The following PTPRT variants were observed in gnomAD, a reference collection of about 807,000 sequenced individuals.
The protein encoded by PTPRT is receptor-type tyrosine-protein phosphatase T.
A neutral mutation model predicts 176.8 loss-of-function variants in PTPRT; 56 were observed. The ratio of observed to expected loss-of-function variants is 0.32; its 90% CI spans 0.26 to 0.40. The LOEUF (loss-of-function observed/expected upper bound fraction) is 0.40, where lower values mean the gene tolerates loss of function less well. Ranked by LOEUF, PTPRT falls within the 10% of genes least tolerant of loss-of-function variation. PTPRT has a pLI of 1.00. For synonymous variants in PTPRT, 783 were observed against 739.0 expected (o/e 1.06, Z -0.96); for missense variants, 1,540 against 1,908.2 (o/e 0.81, Z 3.60).
chr20:42,738,482 C>T (rs2076567827), intron 6 of PTPRT, among the ~76,000 whole-genome samples: 1 of 151,714 alleles, frequency 6.6e-6, no homozygotes, highest in Non-Finnish European at 1.5e-5. Context: ...GCACTTCAGC[C>T]TGGGCAACAG....
chr20:42,327,279 T>C (rs1029836930), intron 11 of PTPRT, among the ~76,000 whole-genome samples: 3 of 152,114 alleles, frequency 2.0e-5, no homozygotes, highest in Non-Finnish European at 4.4e-5. Flanking sequence ...TATATTCCAA[T>C]AGTTCAGAAT....
chr20:42,953,896 T>C (rs1209150077), intron 1 of PTPRT, among the ~76,000 whole-genome samples: 1 of 152,114 alleles, frequency 6.6e-6, no homozygotes, highest in Non-Finnish European at 1.5e-5. Context: ...TAGTACCCCT[T>C]TCAGTCGTGA....
chr20:42,188,623 G>C (rs562868517), intron 16 of PTPRT, among the ~76,000 whole-genome samples: 2 of 152,228 alleles, frequency 1.3e-5, no homozygotes, highest in South Asian at 2.1e-4. Flanking sequence ...TTGAGCAGAG[G>C]GGGGGAAATT....
chr20:42,396,200 C>T (rs971198222), intron 9 of PTPRT, among the ~76,000 whole-genome samples: 2 of 152,192 alleles, frequency 1.3e-5, no homozygotes, highest in Non-Finnish European at 2.9e-5. Context: ...CTTCCATTTG[C>T]TCAGTCTAAA....
intron 1 of PTPRT, among the ~76,000 whole-genome samples, chr20:43,016,781 C>T (rs1985395197): frequency 1.3e-5 from 2 of 151,960 alleles, no homozygotes; most frequent in Admixed American, 1.3e-4. Context: ...AAGTGATCCG[C>T]CCACCTCGGC....
At chr20:42,381,133 C>T (rs1255992628) in intron 9 of PTPRT, among the ~76,000 whole-genome samples, 1 of 152,182 alleles carries the variant, frequency 6.6e-6, no homozygotes, top group Non-Finnish European at 1.5e-5. Context: ...CAATCACCTT[C>T]CACCAGGCCC....
intron 1 of PTPRT, among the ~76,000 whole-genome samples, chr20:43,114,746 C>T (rs1335246317): frequency 3.9e-5 from 6 of 151,922 alleles, no homozygotes; most frequent in Non-Finnish European, 8.8e-5. Context: ...ACGTTCTGAG[C>T]CCTCACCAGT....
rs1426857427 is a variant in PTPRT, at chr20:42,084,738, C to T, written c.4080G>A (p.Leu1360=). 1.9e-6 allele frequency: 3 copies of T among 1,569,246 alleles called. No individual in the cohort carries two copies. Among genetic ancestry groups the T allele is most frequent in the East Asian group, 2.3e-5 (1 of 43,286 alleles). ...KRSLLKVVRR[L]EKWQEQYDGR... is the part of the protein sequence containing the mutation. The stretch of plus-strand genomic sequence containing the variant: ...CGTCATACTGCTCCTGCCACTTCTC[C>T]AGTCGTCGGACCACTTTGAGCAGAG... The change falls in exon 29 of 31, where the codon CTG becomes CTA. Residue 1360 remains leucine (L), a synonymous_variant. Transcript: ENST00000373187.
intron 6 of PTPRT, among the ~76,000 whole-genome samples, chr20:42,749,577 G>A (rs1325250288): frequency 6.6e-6 from 1 of 152,170 alleles, no homozygotes; most frequent in African/African-American, 2.4e-5. Flanking sequence ...AACCTCTCTG[G>A]GTTTCCATGC....
intron 7 of PTPRT, among the ~76,000 whole-genome samples, chr20:42,638,004 G>T (rs2074646268): frequency 6.6e-6 from 1 of 152,096 alleles, no homozygotes; most frequent in African/African-American, 2.4e-5. Flanking sequence ...AGCCAATTGT[G>T]CACATCTCTT....
intron 1 of PTPRT, among the ~76,000 whole-genome samples, chr20:43,139,050 C>T (rs1404759008): frequency 3.3e-5 from 5 of 152,202 alleles, no homozygotes; most frequent in African/African-American, 4.8e-5. Flanking sequence ...CTAATGAAGA[C>T]GCCCCATGTA....
Position 43,072,248 on chromosome 20 carries a change from C to T in PTPRT, c.88+117398G>A, listed in dbSNP as rs6103139. Among the ~76,000 whole-genome samples the T allele has an allele frequency of 8.9e-3, 1,356 of 152,338 alleles. 18 individuals are homozygous for T. Among genetic ancestry groups the T allele is most frequent in the African/African-American group, 0.031 (1,283 of 41,562 alleles). On this transcript the variant is annotated intron_variant, in intron 1 of 30. Coordinates refer to ENST00000373187, the MANE Select transcript of PTPRT (RefSeq NM_007050.6). ...TGGCCTTATAGACATCATAGTCATGCATTGGCTATAATAGTGCAAAGATGT... is the reference window on the plus strand; with the variant it reads ...TGGCCTTATAGACATCATAGTCATGTATTGGCTATAATAGTGCAAAGATGT...
chr20:42,881,723 TCAAAA>T (rs1767699910), intron 2 of PTPRT, among the ~76,000 whole-genome samples: 2 of 52,372 alleles, frequency 3.8e-5, no homozygotes, highest in African/African-American at 1.9e-4. Context: ...ACACTCTGTC[TCAAAA>T]AAAAAAAAAA....
chr20:42,658,207 G>A (rs2075161187), intron 7 of PTPRT, among the ~76,000 whole-genome samples: 1 of 152,094 alleles, frequency 6.6e-6, no homozygotes, highest in Non-Finnish European at 1.5e-5. Context: ...GATTAATATA[G>A]AACCTTGTTT....
chr20:42,517,416 A>G (rs2072089187), intron 7 of PTPRT, among the ~76,000 whole-genome samples: 1 of 151,720 alleles, frequency 6.6e-6, no homozygotes, highest in African/African-American at 2.4e-5. Context: ...TTACCTTGGC[A>G]GAGGTTTATC....
chr20:42,086,673 G>T (rs1310423009), intron 27 of PTPRT, among the ~76,000 whole-genome samples: 1 of 142,202 alleles, frequency 7.0e-6, no homozygotes, highest in Non-Finnish European at 1.5e-5. Context: ...CTTGCAGTGA[G>T]CTGAGATCGC....
intron 1 of PTPRT, among the ~76,000 whole-genome samples, chr20:42,941,729 G>A (rs755801678): frequency 1.5e-4 from 23 of 152,152 alleles, no homozygotes; most frequent in Admixed American, 5.9e-4. Flanking sequence ...CAACTTCACA[G>A]GCTGTTCTTA....
intron 7 of PTPRT, among the ~76,000 whole-genome samples, chr20:42,582,075 A>T (rs376268319): frequency 2.6e-5 from 4 of 152,238 alleles, no homozygotes; most frequent in East Asian, 1.9e-4. Flanking sequence ...TGCTGTGATG[A>T]TTATAATAAT....
chr20:42,161,196 T>C (rs1989579331), intron 17 of PTPRT, among the ~76,000 whole-genome samples, 156 bp downstream of exon 17: 1 of 152,102 alleles, frequency 6.6e-6, no homozygotes, highest in Non-Finnish European at 1.5e-5. Context: ...TCTGATTCAG[T>C]AGGGAGGGAT....
Sources: allele counts gnomAD v4.1 joint callset (sites outside exome capture counted in the v4.1 genomes callset), GRCh38; gene constraint gnomAD v4.1.1; transcripts MANE v1.5; gene names NCBI Gene and HGNC (gene_info 2026-07-23, HGNC 2026-07-21).